DPY19L4: variants seen among roughly 807,000 people sequenced by gnomAD.
DPY19L4 encodes probable C-mannosyltransferase DPY19L4.
DPY19L4 carries 97 observed loss-of-function variants against 102.8 expected under a neutral mutation model. That is an observed-to-expected ratio of 0.94 (90% CI 0.80 to 1.12). The LOEUF is 1.12. DPY19L4 is among the 50% of genes most tolerant of loss of function. The pLI is 0.00. For missense variants in DPY19L4, 815 were observed against 850.4 expected (o/e 0.96, Z 0.52); for synonymous variants, 252 against 283.1 (o/e 0.89, Z 1.10).
At chr8:94,742,222 G>C (rs1811473789) in intron 6 of DPY19L4, among the ~76,000 whole-genome samples, 3 of 152,030 alleles carry the variant, frequency 2.0e-5, no homozygotes, top group African/African-American at 7.2e-5. Context: ...GCCAAGTGTG[G>C]TGGCGGGCGC....
chr8:94,786,832 G>GA (rs1465291514), intron 17 of DPY19L4, among the ~76,000 whole-genome samples: 1 of 152,198 alleles, frequency 6.6e-6, no homozygotes, highest in African/African-American at 2.4e-5. Context: ...ACAGGCGTGA[G>GA]ACACTGCGCC....
chr8:94,734,652 A>G lies in DPY19L4; in HGVS notation c.150A>G (p.Ala50=). 6.2e-7 allele frequency: 1 copy of G among 1,613,970 alleles called. No homozygotes were observed. Among genetic ancestry groups the G allele is most frequent in the Non-Finnish European group, 8.5e-7 (1 of 1,179,956 alleles). The change falls in exon 3 of 19, where the codon GCA becomes GCG. Residue 50 remains alanine (A), a synonymous_variant. Transcript: ENST00000414645. ...APKHVLFQRF[A]KIFIGCLAAV... is the part of the protein sequence containing the mutation. ...CAGATGTATTATTTCAACGCTTTGCAAAGATTTTCATTGGCTGTCTTGCAG... is the reference window on the plus strand; with the variant it reads ...CAGATGTATTATTTCAACGCTTTGCGAAGATTTTCATTGGCTGTCTTGCAG...
At chr8:94,784,793 A>T (rs1184410516) in intron 17 of DPY19L4, among the ~76,000 whole-genome samples, 2 of 152,230 alleles carry the variant, frequency 1.3e-5, no homozygotes, top group Admixed American at 6.5e-5. Flanking sequence ...TGTCTTTCTC[A>T]GCTAAAGTTC....
intron 11 of DPY19L4, 36 bp from the exon 12 acceptor site, chr8:94,768,359 C>G (rs775422395): frequency 6.6e-7 from 1 of 1,520,866 alleles, no homozygotes; most frequent in African/African-American, 1.4e-5. Flanking sequence ...TTTAAAACGT[C>G]TATGAATTTA....
intron 2 of DPY19L4, among the ~76,000 whole-genome samples, chr8:94,729,911 T>C (rs7813216): frequency 0.71 from 107,657 of 151,922 alleles, 39,740 homozygotes; most frequent in African/African-American, 0.93. Flanking sequence ...GAAATATCGA[T>C]TACAAAATAG....
chr8:94,731,123 T>C (rs1810935429), intron 2 of DPY19L4, among the ~76,000 whole-genome samples: 1 of 151,908 alleles, frequency 6.6e-6, no homozygotes, highest in Admixed American at 6.6e-5. Flanking sequence ...TTGAATATAC[T>C]TTTTATAATA....
At chr8:94,755,016 G>A (rs1338282475) in intron 6 of DPY19L4, among the ~76,000 whole-genome samples, 3 of 152,124 alleles carry the variant, frequency 2.0e-5, no homozygotes, top group Non-Finnish European at 4.4e-5. Context: ...TGGAACTCCT[G>A]AGCTTAAGTG....
chr8:94,744,899 T>C, intron 6 of DPY19L4: 1 of 220,356 alleles, frequency 4.5e-6, no homozygotes, highest in Non-Finnish European at 9.2e-6. Flanking sequence ...AATAGCTAAG[T>C]TTTAAAAAAT....
Position 94,770,458 on chromosome 8 carries a change from G to A in DPY19L4, c.1341G>A (p.Lys447=). 1 of 1,611,350 alleles carries A rather than the reference G, an allele frequency of 6.2e-7. No individual in the cohort carries two copies. Among genetic ancestry groups the A allele is most frequent in the Non-Finnish European group, 8.5e-7 (1 of 1,179,186 alleles). Reference sequence around the variant, plus strand: ...ATACATTTTCTTTTTGTAGTGGTAAGTCCCTGAAGGAAACTGTTACTCTTG... The same window carrying A: ...ATACATTTTCTTTTTGTAGTGGTAAATCCCTGAAGGAAACTGTTACTCTTG... ...LQVIFRRING[K]SLKETVTLED... is the part of the protein sequence containing the mutation. Residue 447 remains lysine, a synonymous_variant, in exon 13 of 19, where the codon AAG becomes AAA. Transcript: ENST00000414645.
intron 13 of DPY19L4, among the ~76,000 whole-genome samples, chr8:94,775,417 C>G (rs908871015): frequency 1.3e-5 from 2 of 152,166 alleles, no homozygotes; most frequent in Non-Finnish European, 2.9e-5. Context: ...GTTGTTCCAC[C>G]CGCCTCAGCC....
intron 6 of DPY19L4, among the ~76,000 whole-genome samples, chr8:94,740,256 A>G (rs1811385927): frequency 6.6e-6 from 1 of 152,172 alleles, no homozygotes; most frequent in Non-Finnish European, 1.5e-5. Context: ...TTATGCCACT[A>G]TATGCAAAAA....
intron 16 of DPY19L4, among the ~76,000 whole-genome samples, chr8:94,781,977 T>C (rs1326692330): frequency 6.6e-6 from 1 of 152,142 alleles, no homozygotes; most frequent in Non-Finnish European, 1.5e-5. Context: ...ATAAGTAAAG[T>C]TTCATAAAGG....
intron 2 of DPY19L4, among the ~76,000 whole-genome samples, chr8:94,732,018 G>T (rs1220841730): frequency 6.6e-6 from 1 of 152,054 alleles, no homozygotes; most frequent in East Asian, 1.9e-4. Flanking sequence ...TGATCCGCCT[G>T]CCTCGGCCTC....
chr8:94,764,562 C>A (rs796545479), intron 8 of DPY19L4, among the ~76,000 whole-genome samples: 20 of 125,042 alleles, frequency 1.6e-4, no homozygotes, highest in African/African-American at 6.1e-4. Context: ...GGCGACAGAG[C>A]GAGACTCCGT....
At chr8:94,776,026 C>CTTTTTTTTTTTTTTT (rs1165180641) in intron 13 of DPY19L4, among the ~76,000 whole-genome samples, 1 of 81,500 alleles carries the variant, frequency 1.2e-5, no homozygotes. Flanking sequence ...ATTTTTAAAT[C>CTTTTTTTTTTTTTTT]TTTTTTTTTT....
At chr8:94,740,844 C>G (rs919711864) in intron 6 of DPY19L4, among the ~76,000 whole-genome samples, 1 of 152,106 alleles carries the variant, frequency 6.6e-6, no homozygotes, top group Non-Finnish European at 1.5e-5. Flanking sequence ...ATACCCAGAC[C>G]TTATTACAGT....
intron 6 of DPY19L4, 136 bp downstream of exon 6, chr8:94,739,926 T>C: frequency 8.9e-7 from 1 of 1,117,788 alleles, no homozygotes; most frequent in African/African-American, 1.6e-5. Context: ...GCCATTCCCA[T>C]GATTATGATA....
intron 13 of DPY19L4, among the ~76,000 whole-genome samples, chr8:94,774,281 A>C (rs1019244442): frequency 6.6e-6 from 1 of 151,682 alleles, no homozygotes; most frequent in Non-Finnish European, 1.5e-5. Context: ...TCCTGGGCTC[A>C]AGCCATCCTC....
intron 13 of DPY19L4, among the ~76,000 whole-genome samples, chr8:94,772,305 A>C (rs1246518803): frequency 1.3e-5 from 2 of 152,184 alleles, no homozygotes; most frequent in Non-Finnish European, 2.9e-5. Context: ...AATTCCTAAG[A>C]CCATCCTTAC....
Sources: allele counts gnomAD v4.1 joint callset (sites outside exome capture counted in the v4.1 genomes callset), GRCh38; gene constraint gnomAD v4.1.1; transcripts MANE v1.5; gene names NCBI Gene and HGNC (gene_info 2026-07-23, HGNC 2026-07-21).